The following FNBP4 variants were observed in gnomAD, a reference collection of about 807,000 sequenced individuals.
FNBP4 encodes the protein formin binding protein 4.
A neutral mutation model predicts 119.3 loss-of-function variants in FNBP4; 34 were observed. That is an observed-to-expected ratio of 0.28 (90% CI 0.22 to 0.38). The LOEUF is 0.38. Among genes scored for constraint, FNBP4 ranks in the 10% least tolerant of loss-of-function variants. The pLI, the probability that FNBP4 is intolerant of heterozygous loss-of-function variation, is 1.00. For missense variants in FNBP4, 1,112 were observed against 1,228.9 expected (o/e 0.90, Z 1.42); for synonymous variants, 462 against 430.6 (o/e 1.07, Z -0.90).
chr11:47,744,929 T>C (rs1470692483), intron 7 of FNBP4, among the ~76,000 whole-genome samples: 2 of 152,212 alleles, frequency 1.3e-5, no homozygotes, highest in Non-Finnish European at 2.9e-5. Context: ...GGATCCTGAA[T>C]GGAAGGACCA....
At chr11:47,724,195 C>A in intron 13 of FNBP4, 23 bp from the exon 14 acceptor site, 8 of 1,612,834 alleles carry the variant, frequency 5.0e-6, no homozygotes, top group Middle Eastern at 1.7e-4. Flanking sequence ...CATTTGTTAT[C>A]AGTGGCTGAA....
intron 8 of FNBP4, among the ~76,000 whole-genome samples, chr11:47,743,318 A>C (rs1228509646): frequency 6.6e-6 from 1 of 152,078 alleles, no homozygotes; most frequent in Non-Finnish European, 1.5e-5. Flanking sequence ...CTCCGTCTCT[A>C]CTAAAAATAC....
intron 15 of FNBP4, among the ~76,000 whole-genome samples, chr11:47,722,729 T>TA (rs1260073726): frequency 1.3e-5 from 2 of 152,074 alleles, no homozygotes; most frequent in Non-Finnish European, 2.9e-5. Context: ...TAGCAGGGAT[T>TA]ACAGGTGCGT....
intron 8 of FNBP4, among the ~76,000 whole-genome samples, chr11:47,737,675 C>T (rs968908634): frequency 1.3e-5 from 2 of 150,552 alleles, no homozygotes; most frequent in Non-Finnish European, 3.0e-5. Flanking sequence ...CCTGGACTCA[C>T]GCAATCTGCC....
intron 8 of FNBP4, among the ~76,000 whole-genome samples, chr11:47,738,559 C>T (rs1220903042): frequency 6.6e-6 from 1 of 152,050 alleles, no homozygotes; most frequent in African/African-American, 2.4e-5. Context: ...GAGCAAAACT[C>T]CGTCTAAAAA....
At chr11:47,763,245 C>T (rs985718576) in intron 2 of FNBP4, among the ~76,000 whole-genome samples, 14 of 151,990 alleles carry the variant, frequency 9.2e-5, no homozygotes, top group Non-Finnish European at 1.5e-4. Context: ...GGGTGGATCA[C>T]TTGAAGTCAG....
At chr11:47,747,784 C>T (rs1599225534) in intron 6 of FNBP4, among the ~76,000 whole-genome samples, 2 of 151,844 alleles carry the variant, frequency 1.3e-5, no homozygotes, top group African/African-American at 4.8e-5. Context: ...CCCATCTCTG[C>T]TAAAAATACA....
Position 47,717,402 on chromosome 11 carries a change from A to T in FNBP4, c.*20T>A, listed in dbSNP as rs1232801311. The T allele has an allele frequency of 6.5e-7, 1 of 1,544,642 alleles. No individual in the cohort carries two copies. The highest frequency in any genetic ancestry group is 8.9e-7 in the Non-Finnish European group (1 of 1,124,564). On this transcript the variant is annotated 3_prime_UTR_variant, in exon 17 of 17. Coordinates refer to ENST00000263773, the MANE Select transcript of FNBP4 (RefSeq NM_015308.5). ...ACACAAAACAAACAATAATACAAAA[A>T]AGTTTTAAAAACTTAAAAACTATGT... is the stretch of plus-strand genomic sequence containing the variant.
Position 47,723,169 on chromosome 11 carries a change from A to T in FNBP4, c.2612T>A (p.Ile871Asn). 6.2e-7 allele frequency: 1 copy of T among 1,614,072 alleles called. No individual in the cohort carries two copies. Reference sequence around the variant, plus strand: ...GACAGAACATTCTGCATAACTCATAATTGCAGGTGCTGCCGCTAGTCCAAG... The same window carrying T: ...GACAGAACATTCTGCATAACTCATATTTGCAGGTGCTGCCGCTAGTCCAAG... The part of the protein sequence containing the change: ...NYLGLAAAPA[I>N]MSYAECSVPI... Residue 871 changes from isoleucine (I) to asparagine (N), a missense_variant, in exon 15 of 17, where the codon ATT (isoleucine) becomes AAT (asparagine). Ile to Asn is a moderately radical substitution (Grantham distance 149). Around this residue, in one of 2 missense-constraint regions of FNBP4, gnomAD observed 826 missense variants for 988.8 expected, o/e 0.84. Transcript: ENST00000263773.
At chr11:47,729,206 G>A (rs990641528) in intron 12 of FNBP4, 1 of 985,142 alleles carries the variant, frequency 1.0e-6, no homozygotes, top group Non-Finnish European at 1.2e-6. Context: ...CCCCCAAAGA[G>A]AAATTATTGT....
At chr11:47,718,433 C>T (rs1195395418) in intron 16 of FNBP4, among the ~76,000 whole-genome samples, 2 of 151,674 alleles carry the variant, frequency 1.3e-5, no homozygotes, top group Non-Finnish European at 2.9e-5. Context: ...AGGCTGGTCT[C>T]GAACTCCTGA....
chr11:47,765,181 C>A, intron 2 of FNBP4, 89 bp downstream of exon 2: 1 of 789,994 alleles, frequency 1.3e-6, no homozygotes, highest in Non-Finnish European at 2.1e-6. Flanking sequence ...AACACTAAAG[C>A]ATTCAGCAAA....
chr11:47,765,575 G>C (rs1344605234), intron 1 of FNBP4, among the ~76,000 whole-genome samples: 5 of 110,696 alleles, frequency 4.5e-5, no homozygotes, highest in South Asian at 3.5e-4. Flanking sequence ...GACGGGGGGG[G>C]GGGGGGGCCA....
chr11:47,751,752 G>A (rs1171676111), intron 4 of FNBP4, among the ~76,000 whole-genome samples: 1 of 152,126 alleles, frequency 6.6e-6, no homozygotes, highest in African/African-American at 2.4e-5. Context: ...GGGAGTTTGA[G>A]ACCAGCCTGA....
At chr11:47,755,554 G>A (rs2097615314) in intron 2 of FNBP4, among the ~76,000 whole-genome samples, 1 of 151,592 alleles carries the variant, frequency 6.6e-6, no homozygotes, top group African/African-American at 2.4e-5. Context: ...AGGATCTGAG[G>A]CAGGAAGATC....
rs761745149 is a variant in FNBP4, at chr11:47,746,365, T to G, written c.936A>C (p.Ser312=). 2 of 1,605,888 alleles carry G rather than the reference T, an allele frequency of 1.2e-6. No individual in the cohort carries two copies. The highest frequency in any genetic ancestry group is 2.2e-5 in the East Asian group (1 of 44,852). ...CCCCTTTCTTCTCCTCCTCACTATTTGAGAGAGCCTGAATTCCTTCATTTA... is the reference window on the plus strand; with the variant it reads ...CCCCTTTCTTCTCCTCCTCACTATTGGAGAGAGCCTGAATTCCTTCATTTA... ...KEVNEGIQAL[S]NSEEEKKGVA... Residue 312 remains serine (S), a synonymous_variant, in exon 7 of 17, where the codon TCA becomes TCC. Coordinates refer to ENST00000263773, the MANE Select transcript of FNBP4 (RefSeq NM_015308.5).
rs778512568 is a variant in FNBP4, at chr11:47,765,369, TAAAAAAAAAG to T, written c.221-17_221-8del. The T allele has an allele frequency of 6.6e-6, 8 of 1,204,636 alleles. No individual in the cohort carries two copies. The highest frequency in any genetic ancestry group is 3.0e-5 in the South Asian group (2 of 67,704). The allele number at this position is 1,204,636 out of a possible 1,614,324, so 74.6% of individuals were successfully genotyped here. ...TGCACCGCTTCCTGTTCATCTGGAT[TAAAAAAAAAG>T]AAAAGAAAAGAAAAGAAAAGAAAAG... On this transcript the variant is annotated splice_region_variant and splice_polypyrimidine_tract_variant and intron_variant, in intron 1 of 16. Coordinates refer to ENST00000263773, the MANE Select transcript of FNBP4 (RefSeq NM_015308.5).
intron 9 of FNBP4, among the ~76,000 whole-genome samples, chr11:47,734,979 C>CA (rs1491372300): frequency 1.2e-5 from 1 of 82,900 alleles, no homozygotes; most frequent in Non-Finnish European, 2.6e-5. Context: ...CACCCCAACA[C>CA]CCCCCCCCCC....
intron 2 of FNBP4, among the ~76,000 whole-genome samples, chr11:47,761,596 CA>C (rs67275133): frequency 0.93 from 136,378 of 147,132 alleles, 64,004 homozygotes; most frequent in East Asian, 1. Flanking sequence ...CATCTCAAAG[CA>C]AAAAAAAAAA....
Sources: gnomAD v4.1 joint callset for allele counts (sites outside exome capture counted in the v4.1 genomes callset) on GRCh38, gnomAD v4.1.1 for gene constraint, gnomAD v4.1.1 regional missense constraint, MANE v1.5 for transcripts, NCBI Gene and HGNC (gene_info 2026-07-23, HGNC 2026-07-21) for gene names.